Variants in USP24 observed in about 807,000 individuals in gnomAD.
The protein encoded by USP24 is ubiquitin specific peptidase 24.
A neutral mutation model predicts 361.6 loss-of-function variants in USP24; 97 were observed. The observed-to-expected ratio is 0.27, with a 90% CI of 0.23 to 0.32. USP24 has a LOEUF of 0.32. Among genes scored for constraint, USP24 ranks in the 10% least tolerant of loss-of-function variants. The probability of loss-of-function intolerance (pLI) is 1.00; values close to 1 mark genes in which losing one functional copy is unlikely to be tolerated. For missense variants in USP24, 2,353 were observed against 3,165.6 expected (o/e 0.74, Z 6.16); for synonymous variants, 1,098 against 1,124.6 (o/e 0.98, Z 0.47).
At chr1:55,143,371 A>G (rs1402123685) in intron 21 of USP24, among the ~76,000 whole-genome samples, 1 of 152,226 alleles carries the variant, frequency 6.6e-6, no homozygotes, top group Non-Finnish European at 1.5e-5. Context: ...AGACATCCCT[A>G]GACCCAAACT....
intron 1 of USP24, among the ~76,000 whole-genome samples, chr1:55,191,652 G>A (rs533604918): frequency 1.3e-5 from 2 of 151,936 alleles, no homozygotes; most frequent in Admixed American, 6.6e-5. Context: ...CACCACGTCC[G>A]GCTAATTTTT....
rs13312 is a variant in USP24 at position 55,067,069 on chromosome 1, G to C, written c.*1976C>G. ...ATACACGGTGGACGATCCTGATGAA[G>C]CTTTACAGTGAGGACGGCAGGTGCT... On this transcript the variant is annotated 3_prime_UTR_variant, in exon 68 of 68. Coordinates refer to ENST00000294383, the MANE Select transcript of USP24 (RefSeq NM_015306.3). The C allele has an allele frequency of 0.77, 117,849 of 152,078 alleles. 46,226 individuals are homozygous for C. Among genetic ancestry groups the C allele is most frequent in the East Asian group, 0.96 (4,974 of 5,174 alleles). The allele number at this position is 152,078 out of a possible 1,614,324, so 9.4% of individuals were successfully genotyped here. A position where few individuals can be genotyped will look rare whatever the true frequency, so the allele number is the denominator to read the frequency against.
intron 52 of USP24, 171 bp downstream of exon 52, chr1:55,093,766 T>TAGCTCTATGGCCCC (rs1553146729): frequency 1.1e-6 from 1 of 870,334 alleles, no homozygotes; most frequent in Non-Finnish European, 1.7e-6. Context: ...TCCATGGCTC[T>TAGCTCTATGGCCCC]AGCTCTATGG....
chr1:55,140,011 C>A (rs905205594), intron 24 of USP24, among the ~76,000 whole-genome samples: 130 of 151,916 alleles, frequency 8.6e-4, no homozygotes, highest in African/African-American at 2.9e-3. Context: ...ACCCCCCCCA[C>A]CCCAAGTTGG....
rs1553143024 is a variant in USP24 at position 55,079,793 on chromosome 1, T to TGAGTACTCTCACA, written c.7079-135_7079-134insTGTGAGAGTACTC. 386 of 1,051,350 alleles carry TGAGTACTCTCACA rather than the reference T, an allele frequency of 3.7e-4. 5 individuals are homozygous for TGAGTACTCTCACA. Among genetic ancestry groups the TGAGTACTCTCACA allele is most frequent in the African/African-American group, 8.7e-4 (45 of 51,644 alleles). The allele number at this position is 1,051,350 out of a possible 1,614,324, so 65.1% of individuals were successfully genotyped here. A position where few individuals can be genotyped will look rare whatever the true frequency, so the allele number is the denominator to read the frequency against. On this transcript the variant is annotated intron_variant, in intron 59 of 67. Transcript: ENST00000294383. ...GTACTCTCACAGAGTACTCACACAC[T>TGAGTACTCTCACA]GAGTACTCACACACTGAGTACTCGC...
intron 64 of USP24, among the ~76,000 whole-genome samples, chr1:55,073,470 G>A (rs1644960797): frequency 6.6e-6 from 1 of 152,176 alleles, no homozygotes. Flanking sequence ...GCTATTCTGA[G>A]GTTAGGGACC....
chr1:55,201,463 C>T (rs941819096), intron 1 of USP24, among the ~76,000 whole-genome samples: 12 of 151,542 alleles, frequency 7.9e-5, no homozygotes, highest in Non-Finnish European at 1.2e-4. Context: ...CAGCTGGGCG[C>T]AGTGGCAGGT....
intron 38 of USP24, among the ~76,000 whole-genome samples, chr1:55,117,364 T>C (rs904126827): frequency 6.6e-6 from 1 of 152,132 alleles, no homozygotes; most frequent in African/African-American, 2.4e-5. Context: ...GACATCCAAA[T>C]TGAAAAGGGA....
chr1:55,122,393 C>A (rs768027307), intron 36 of USP24, among the ~76,000 whole-genome samples: 2 of 152,122 alleles, frequency 1.3e-5, no homozygotes, highest in Non-Finnish European at 2.9e-5. Flanking sequence ...AGCAAAGGCA[C>A]AGGAGTATCA....
intron 1 of USP24, among the ~76,000 whole-genome samples, chr1:55,210,206 T>C (rs1644815480): frequency 6.6e-6 from 1 of 152,196 alleles, no homozygotes; most frequent in Admixed American, 6.5e-5. Flanking sequence ...ACCATTAGAT[T>C]AACTCACAGA....
intron 42 of USP24, among the ~76,000 whole-genome samples, chr1:55,103,383 C>T (rs147281824): frequency 6.6e-6 from 1 of 152,304 alleles, no homozygotes; most frequent in Non-Finnish European, 1.5e-5. Flanking sequence ...AAACTATCTG[C>T]TTATGGGCCT....
chr1:55,146,797 C>A, intron 19 of USP24, 132 bp downstream of exon 19: 1 of 979,490 alleles, frequency 1.0e-6, no homozygotes. Context: ...ATTTTTTCAG[C>A]ACTTACAGTT....
At chr1:55,161,756 G>A (rs1164082927) in intron 8 of USP24, among the ~76,000 whole-genome samples, 1 of 152,082 alleles carries the variant, frequency 6.6e-6, no homozygotes, top group Admixed American at 6.5e-5. Context: ...ACAATCCTAC[G>A]GAGGTAGGAA....
At chr1:55,099,544 C>A (rs1046308889) in intron 45 of USP24, among the ~76,000 whole-genome samples, 2 of 151,154 alleles carry the variant, frequency 1.3e-5, no homozygotes, top group Non-Finnish European at 2.9e-5. Context: ...GGTGACAGAG[C>A]GAGACTCTGT....
At chr1:55,152,121 TTAG>T in intron 16 of USP24, 2 of 339,616 alleles carry the variant, frequency 5.9e-6, no homozygotes, top group Non-Finnish European at 8.4e-6. Context: ...ATGAAAGCAC[TTAG>T]TAAACTGAAA....
intron 38 of USP24, among the ~76,000 whole-genome samples, chr1:55,117,742 CAAAA>C (rs58149121): frequency 9.0e-5 from 6 of 66,848 alleles, no homozygotes; most frequent in Non-Finnish European, 1.5e-4. Flanking sequence ...GACTCCGTCT[CAAAA>C]AAAAAAAAAA....
In USP24 at chr1:55,114,809, G is replaced by A. The variant is rs569858186; in HGVS notation, c.4509-4563C>T. The stretch of plus-strand genomic sequence containing the variant: ...AAAAACCCTACAAGAAAACCTAGGC[G>A]ATATCATTCAGGACATAGGCATGGG... On this transcript the variant is annotated intron_variant, in intron 38 of 67. Coordinates refer to ENST00000294383, the MANE Select transcript of USP24 (RefSeq NM_015306.3). 1.8e-3 allele frequency among the ~76,000 whole-genome samples: 280 copies of A among 152,122 alleles called. 1 individual carries two copies. The highest frequency in any genetic ancestry group is 6.3e-3 in the African/African-American group (263 of 41,508).
chr1:55,162,855 T>G (rs542588422), intron 7 of USP24, among the ~76,000 whole-genome samples: 27 of 152,242 alleles, frequency 1.8e-4, no homozygotes, highest in African/African-American at 5.5e-4. Flanking sequence ...TAAAAAATTT[T>G]TTTAGAAAAG....
At chr1:55,098,894 A>G (rs1570396962) in intron 45 of USP24, among the ~76,000 whole-genome samples, 1 of 151,658 alleles carries the variant, frequency 6.6e-6, no homozygotes, top group African/African-American at 2.4e-5. Flanking sequence ...AATGCCATCA[A>G]TTTGCAAGTT....
Sources: gnomAD v4.1 joint callset for allele counts (sites outside exome capture counted in the v4.1 genomes callset) on GRCh38, gnomAD v4.1.1 for gene constraint, MANE v1.5 for transcripts, NCBI Gene and HGNC (gene_info 2026-07-23, HGNC 2026-07-21) for gene names.